Variants in LTN1 observed in about 807,000 individuals in gnomAD.
LTN1 encodes the protein listerin E3 ubiquitin protein ligase 1.
In LTN1, 88 loss-of-function variants were observed where a neutral mutation model predicts 201.2. The ratio of observed to expected loss-of-function variants is 0.44; its 90% CI spans 0.37 to 0.52. The LOEUF (loss-of-function observed/expected upper bound fraction) is 0.52, where lower values mean the gene tolerates loss of function less well. LTN1 is among the 20% of genes least tolerant of loss of function. The probability of loss-of-function intolerance (pLI) is 0.00; values close to 1 mark genes in which losing one functional copy is unlikely to be tolerated. For missense variants in LTN1, 1,752 were observed against 2,038.7 expected (o/e 0.86, Z 2.71); for synonymous variants, 645 against 713.5 (o/e 0.90, Z 1.53).
intron 18 of LTN1, among the ~76,000 whole-genome samples, chr21:28,947,853 TA>T (rs1321812779): frequency 1.3e-5 from 2 of 150,900 alleles, no homozygotes; most frequent in African/African-American, 4.9e-5. Context: ...TATGATTTTT[TA>T]AAATTATACT....
intron 7 of LTN1, among the ~76,000 whole-genome samples, 176 bp downstream of exon 7, chr21:28,971,095 T>G (rs1568852146): frequency 6.6e-6 from 1 of 152,208 alleles, no homozygotes; most frequent in Non-Finnish European, 1.5e-5. Flanking sequence ...GTTTAAAGAA[T>G]AATTAATACT....
At chr21:28,970,906 T>C (rs1601201504) in intron 7 of LTN1, among the ~76,000 whole-genome samples, 164 bp from the exon 8 acceptor site, 1 of 152,198 alleles carries the variant, frequency 6.6e-6, no homozygotes, top group African/African-American at 2.4e-5. Context: ...ATTATAAATG[T>C]ATTACATATA....
In LTN1 at chr21:28,929,303, T is replaced by C. The variant is rs1482718864; in HGVS notation, c.*1145A>G. The C allele has an allele frequency of 6.6e-6, 1 of 152,630 alleles. No homozygotes were observed. Among genetic ancestry groups the C allele is most frequent in the Non-Finnish European group, 1.5e-5 (1 of 67,996 alleles). The allele number at this position is 152,630 out of a possible 1,614,324, so 9.5% of individuals were successfully genotyped here. A position where few individuals can be genotyped will look rare whatever the true frequency, so the allele number is the denominator to read the frequency against. On this transcript the variant is annotated 3_prime_UTR_variant, in exon 30 of 30. Coordinates refer to ENST00000361371, the MANE Select transcript of LTN1 (RefSeq NM_015565.3). ...CTAGATATTAGATATGCTATTTCCA[T>C]GTAATGGAAGACTGCAATAAAATTA...
rs1365362875 is a variant in LTN1, at chr21:28,956,766, T to C, written c.3075A>G (p.Lys1025=). The C allele has an allele frequency of 6.4e-7, 1 of 1,573,404 alleles. No individual in the cohort carries two copies. Among genetic ancestry groups the C allele is most frequent in the African/African-American group, 1.4e-5 (1 of 73,684 alleles). ...TAAATACTCATATATACTTACTTATTTTCTCAAGCTCATTATTTTCTAAGA... is the reference window on the plus strand; with the variant it reads ...TAAATACTCATATATACTTACTTATCTTCTCAAGCTCATTATTTTCTAAGA... ...ETVLENNELE[K]IIAELLYSLQ... Residue 1025 remains lysine, a synonymous_variant, in exon 16 of 30, where the codon AAA becomes AAG. Coordinates refer to ENST00000361371, the MANE Select transcript of LTN1 (RefSeq NM_015565.3).
Position 28,960,716 on chromosome 21 carries a change from TA to T in LTN1, c.2164-11del. The T allele has an allele frequency of 6.3e-7, 1 of 1,597,644 alleles. No homozygotes were observed. Among genetic ancestry groups the T allele is most frequent in the Non-Finnish European group, 8.6e-7 (1 of 1,168,838 alleles). On this transcript the variant is annotated splice_polypyrimidine_tract_variant and intron_variant, in intron 11 of 29. Coordinates refer to ENST00000361371, the MANE Select transcript of LTN1 (RefSeq NM_015565.3). ...CTGAACTAGGACATGCCTAAAACCA[TA>T]AAATTAAAGCAAAGATTAACAGCAA...
At chr21:28,976,808 C>T (rs1160652834) in intron 6 of LTN1, among the ~76,000 whole-genome samples, 2 of 152,126 alleles carry the variant, frequency 1.3e-5, no homozygotes, top group Non-Finnish European at 2.9e-5. Flanking sequence ...GGCTGGAGTG[C>T]AGTGGCAGTG....
Position 28,965,879 on chromosome 21 carries a change from T to C in LTN1, c.2149A>G (p.Lys717Glu). ...KVDLKWNSLL[K>E]IIEKACPSSD... ...CCCTAAGATACCTTTTCAATAATCT[T>C]AAGAAGAGAATTCCATTTCAAGTCC... Residue 717 changes from lysine (K) to glutamate (E), a missense_variant, in exon 11 of 30, where the codon AAG (lysine) becomes GAG (glutamate). Lys to Glu is a moderately conservative substitution (Grantham distance 56). Transcript: ENST00000361371. The C allele has an allele frequency of 4.0e-6, 6 of 1,510,600 alleles. No homozygotes were observed. Among genetic ancestry groups the C allele is most frequent in the African/African-American group, 1.4e-5 (1 of 71,556 alleles). 93.6% of individuals were successfully genotyped at this position (1,510,600 alleles called of 1,614,324 possible). A position where few individuals can be genotyped will look rare whatever the true frequency, so the allele number is the denominator to read the frequency against.
At chr21:28,977,645 C>A (rs2084626582) in intron 6 of LTN1, among the ~76,000 whole-genome samples, 1 of 152,190 alleles carries the variant, frequency 6.6e-6, no homozygotes, top group Non-Finnish European at 1.5e-5. Flanking sequence ...ACAGCTTGAA[C>A]CTGGGAGGTG....
intron 18 of LTN1, among the ~76,000 whole-genome samples, chr21:28,947,985 G>A (rs886350438): frequency 2.6e-5 from 4 of 151,322 alleles, no homozygotes; most frequent in East Asian, 3.9e-4. Context: ...GAGGTCAGGC[G>A]TTTGAGACCA....
chr21:28,990,236 A>G (rs528804301), intron 1 of LTN1, among the ~76,000 whole-genome samples: 1 of 152,232 alleles, frequency 6.6e-6, no homozygotes, highest in Non-Finnish European at 1.5e-5. Flanking sequence ...GTTCAAGAAC[A>G]GCAGACATCT....
intron 6 of LTN1, among the ~76,000 whole-genome samples, chr21:28,975,614 T>C (rs1232544634): frequency 6.6e-6 from 1 of 152,176 alleles, no homozygotes; most frequent in Non-Finnish European, 1.5e-5. Context: ...TTCCCTCGTG[T>C]CCATGGGGAT....
intron 8 of LTN1, among the ~76,000 whole-genome samples, chr21:28,969,953 C>T (rs1167973713): frequency 6.6e-6 from 1 of 151,916 alleles, no homozygotes; most frequent in Admixed American, 6.6e-5. Flanking sequence ...GCTAGGATTA[C>T]AGCTGTGAGG....
chr21:28,965,822 C>G (rs528912560), intron 11 of LTN1, 43 bp downstream of exon 11: 127 of 1,093,912 alleles, frequency 1.2e-4, no homozygotes, highest in Non-Finnish European at 9.2e-5. Context: ...ATTTCTATTC[C>G]CATAAATACA....
At chr21:28,960,881 C>T (rs2146291292) in intron 11 of LTN1, 175 bp from the exon 12 acceptor site, 2 of 506,370 alleles carry the variant, frequency 3.9e-6, no homozygotes, top group Admixed American at 7.1e-5. Flanking sequence ...CCCATTAAGC[C>T]TGTATGATGT....
Position 28,966,902 on chromosome 21 carries a change from T to G in LTN1, c.1589A>C (p.Lys530Thr). ...QVLQKPKSSL[K>T]SSKKKNGKVR... ...CTTACCATTTTTTTTTTTACTTGAC[T>G]TCAATGAGCTCTTCGGCTTCTGAAG... Residue 530 changes from lysine (K) to threonine (T), a missense_variant, in exon 10 of 30, where the codon AAG becomes ACG. Transcript: ENST00000361371. The G allele has an allele frequency of 1.2e-6, 2 of 1,613,268 alleles. No homozygotes were observed. The highest frequency in any genetic ancestry group is 8.5e-7 in the Non-Finnish European group (1 of 1,179,782).
At position 28,930,433 on chromosome 21, in the gene LTN1, C is replaced by G. The variant is rs1449954317; in HGVS notation, c.*15G>C. ...GTTTGATGTACTTCAGGGATCCCTT[C>G]CAGTGAAAAAAATCTCAGAAAAACG... On this transcript the variant is annotated 3_prime_UTR_variant, in exon 30 of 30. Transcript: ENST00000361371. The G allele has an allele frequency of 2.5e-6, 4 of 1,601,590 alleles. No homozygotes were observed. The African/African-American group carries it at 5.4e-5, about 21-fold the overall frequency.
In LTN1 at chr21:28,960,529, G is replaced by A; in HGVS notation, c.2341C>T (p.His781Tyr). ...ATATTTGTCCTACCATTTTTAACAT[G>A]TTGGGATAATACCAAGCTTAGAAGA... is the stretch of plus-strand genomic sequence containing the variant. ...WTLLSLVLSQ[H>Y]VKNDYLIGDV... Residue 781 changes from histidine to tyrosine, a missense_variant, in exon 12 of 30, where the codon CAT becomes TAT. His to Tyr is a moderately conservative substitution (Grantham distance 83, BLOSUM62 2). Coordinates refer to ENST00000361371, the MANE Select transcript of LTN1 (RefSeq NM_015565.3). The A allele has an allele frequency of 6.2e-7, 1 of 1,611,792 alleles. No individual in the cohort carries two copies. The highest frequency in any genetic ancestry group is 8.5e-7 in the Non-Finnish European group (1 of 1,178,942).
rs754342552 is a variant in LTN1, at chr21:28,956,875, T to C, written c.2966A>G (p.Gln989Arg). 1 of 1,611,868 alleles carries C rather than the reference T, an allele frequency of 6.2e-7. No individual in the cohort carries two copies. The highest frequency in any genetic ancestry group is 1.1e-5 in the South Asian group (1 of 90,834). Residue 989 changes from glutamine to arginine, a missense_variant, in exon 16 of 30, where the codon CAG becomes CGG. Coordinates refer to ENST00000361371, the MANE Select transcript of LTN1 (RefSeq NM_015565.3). ...YECFKTDFKE[Q>R]DIKTLPSHLC... The stretch of plus-strand genomic sequence containing the variant: ...ATGGCTGGGAAGTGTCTTTATGTCC[T>C]GTTCCTTAAAATCTGTTTTGAAACA...
In LTN1 at chr21:28,931,244, T is replaced by C; in HGVS notation, c.5149A>G (p.Ile1717Val). 1 of 1,613,272 alleles carries C rather than the reference T, an allele frequency of 6.2e-7. No homozygotes were observed. The highest frequency in any genetic ancestry group is 8.5e-7 in the Non-Finnish European group (1 of 1,179,270). The change falls in exon 29 of 30, where the codon ATC (isoleucine) becomes GTC (valine). Residue 1717 changes from isoleucine to valine, a missense_variant. Transcript: ENST00000361371. ...KRFEGVEDCM[I>V]CFSVIHGFNY... ...AAACCGTGAATGACTGAGAAACAGA[T>C]CATGCAATCTTCAACACCCTCAAAA...
Sources: allele counts gnomAD v4.1 joint callset (sites outside exome capture counted in the v4.1 genomes callset), GRCh38; gene constraint gnomAD v4.1.1; transcripts MANE v1.5; gene names NCBI Gene and HGNC (gene_info 2026-07-23, HGNC 2026-07-21).